CPEB1: variants seen among roughly 807,000 people sequenced by gnomAD.
CPEB1 encodes cytoplasmic polyadenylation element-binding protein 1.
CPEB1 carries 7 observed loss-of-function variants against 65.8 expected under a neutral mutation model. The ratio of observed to expected loss-of-function variants is 0.11; its 90% CI spans 0.06 to 0.20. The LOEUF (loss-of-function observed/expected upper bound fraction) is 0.20, where lower values mean the gene tolerates loss of function less well. Among genes scored for constraint, CPEB1 ranks in the 10% least tolerant of loss-of-function variants. CPEB1 has a pLI of 1.00. For missense variants in CPEB1, 551 were observed against 712.2 expected (o/e 0.77, Z 2.58); for synonymous variants, 262 against 260.0 (o/e 1.01, Z -0.08).
intron 10 of CPEB1, among the ~76,000 whole-genome samples, chr15:82,547,481 A>T (rs976291204): frequency 6.6e-6 from 1 of 150,906 alleles, no homozygotes; most frequent in Non-Finnish European, 1.5e-5. Flanking sequence ...TATTTTTAGT[A>T]GAGATCGGGT....
At chr15:82,605,789 A>G (rs2043529597) in intron 3 of CPEB1, among the ~76,000 whole-genome samples, 1 of 152,200 alleles carries the variant, frequency 6.6e-6, no homozygotes, top group South Asian at 2.1e-4. Context: ...CTGTAATCCT[A>G]GCACTTTGGG....
At chr15:82,643,965 G>A (rs766689004) in intron 1 of CPEB1, among the ~76,000 whole-genome samples, 1 of 152,250 alleles carries the variant, frequency 6.6e-6, no homozygotes. Flanking sequence ...TTTCAAATTT[G>A]CCTTGCCTCA....
At chr15:82,599,280 C>A (rs981409907) in intron 3 of CPEB1, among the ~76,000 whole-genome samples, 1 of 152,150 alleles carries the variant, frequency 6.6e-6, no homozygotes, top group Admixed American at 6.5e-5. Context: ...TTCACTCATA[C>A]CATCACACTA....
At chr15:82,594,355 G>A (rs193103949) in intron 3 of CPEB1, among the ~76,000 whole-genome samples, 3 of 116,076 alleles carry the variant, frequency 2.6e-5, no homozygotes, top group Non-Finnish European at 5.8e-5. Context: ...TAAACCTCAT[G>A]AACCAAAAAA....
At chr15:82,634,989 G>T (rs1366852896) in intron 1 of CPEB1, among the ~76,000 whole-genome samples, 1 of 152,160 alleles carries the variant, frequency 6.6e-6, no homozygotes, top group African/African-American at 2.4e-5. Context: ...GAGTAGCTGG[G>T]ACTACAGGCA....
At chr15:82,645,147 G>A (rs587768164) in intron 1 of CPEB1, among the ~76,000 whole-genome samples, 77 of 152,280 alleles carry the variant, frequency 5.1e-4, no homozygotes, top group African/African-American at 1.8e-3. Context: ...TCGGAGGGGG[G>A]AAACCAAGTT....
intron 1 of CPEB1, among the ~76,000 whole-genome samples, chr15:82,631,123 G>A (rs2046211059): frequency 6.6e-6 from 1 of 151,998 alleles, no homozygotes; most frequent in Non-Finnish European, 1.5e-5. Context: ...GAGTCTGGGA[G>A]AAAGGTATTC....
intron 3 of CPEB1, among the ~76,000 whole-genome samples, chr15:82,591,988 C>T (rs780031951): frequency 1.3e-5 from 2 of 151,722 alleles, no homozygotes; most frequent in Non-Finnish European, 1.5e-5. Flanking sequence ...AAGCTACAGG[C>T]GTGTGCCACC....
At chr15:82,629,351 T>A (rs1027634581) in intron 1 of CPEB1, 69 of 984,868 alleles carry the variant, frequency 7.0e-5, no homozygotes, top group Non-Finnish European at 7.7e-5. Flanking sequence ...CCAAACTGAT[T>A]AAGTTATACA....
intron 1 of CPEB1, among the ~76,000 whole-genome samples, chr15:82,637,072 G>A (rs1320319141): frequency 6.6e-6 from 1 of 152,184 alleles, no homozygotes; most frequent in Non-Finnish European, 1.5e-5. Context: ...TGGCTGCCTT[G>A]ATGCAGAAGA....
At chr15:82,646,102 G>A (rs2047493876) in intron 1 of CPEB1, among the ~76,000 whole-genome samples, 1 of 152,084 alleles carries the variant, frequency 6.6e-6, no homozygotes, top group South Asian at 2.1e-4. Flanking sequence ...ACCAACTTGA[G>A]GTTTCCAAGG....
intron 3 of CPEB1, among the ~76,000 whole-genome samples, chr15:82,624,634 C>A (rs2045597705): frequency 6.6e-6 from 1 of 152,146 alleles, no homozygotes; most frequent in African/African-American, 2.4e-5. Flanking sequence ...GGCATCTTAC[C>A]AGTGAAGTCA....
chr15:82,574,332 C>T (rs2040405705), intron 3 of CPEB1, among the ~76,000 whole-genome samples: 1 of 152,198 alleles, frequency 6.6e-6, no homozygotes, highest in Admixed American at 6.5e-5. Context: ...CCTTGCTCTG[C>T]TCACCAGGTC....
At chr15:82,559,790 A>C (rs2037876625) in intron 4 of CPEB1, among the ~76,000 whole-genome samples, 1 of 152,224 alleles carries the variant, frequency 6.6e-6, no homozygotes, top group Non-Finnish European at 1.5e-5. Flanking sequence ...CAAACTTCTC[A>C]AATAATCCTT....
At chr15:82,620,615 C>G (rs2045220461) in intron 3 of CPEB1, among the ~76,000 whole-genome samples, 1 of 151,884 alleles carries the variant, frequency 6.6e-6, no homozygotes, top group Non-Finnish European at 1.5e-5. Context: ...CTGGTCAACA[C>G]AGCAAGATTC....
chr15:82,633,370 T>C (rs1419898343), intron 1 of CPEB1: 1 of 152,270 alleles, frequency 6.6e-6, no homozygotes, highest in Non-Finnish European at 1.5e-5. Flanking sequence ...GAAACTCACC[T>C]AATACAAGTT....
At chr15:82,633,594 A>G (rs2046429126) in intron 1 of CPEB1, among the ~76,000 whole-genome samples, 1 of 152,052 alleles carries the variant, frequency 6.6e-6, no homozygotes, top group Non-Finnish European at 1.5e-5. Flanking sequence ...GCTGGTCTCA[A>G]ACTCCTGACC....
At chr15:82,640,422 T>C (rs2047014543) in intron 1 of CPEB1, among the ~76,000 whole-genome samples, 1 of 152,170 alleles carries the variant, frequency 6.6e-6, no homozygotes, top group Non-Finnish European at 1.5e-5. Flanking sequence ...TAGTACCCCT[T>C]GCGCTTAAAA....
At chr15:82,646,003 A>T (rs1465115866) in intron 1 of CPEB1, among the ~76,000 whole-genome samples, 1 of 152,086 alleles carries the variant, frequency 6.6e-6, no homozygotes, top group African/African-American at 2.4e-5. Flanking sequence ...TCCCCAAAAC[A>T]CCGTCCCCAG....
Sources: gnomAD v4.1 joint callset for allele counts (sites outside exome capture counted in the v4.1 genomes callset) on GRCh38, gnomAD v4.1.1 for gene constraint, MANE v1.5 for transcripts, NCBI Gene and HGNC (gene_info 2026-07-23, HGNC 2026-07-21) for gene names.